PIBF1: variants seen among roughly 807,000 people sequenced by gnomAD.
PIBF1 encodes progesterone-induced-blocking factor 1.
PIBF1 carries 90 observed loss-of-function variants against 112.5 expected under a neutral mutation model. That is an observed-to-expected ratio of 0.80 (90% CI 0.67 to 0.95). The LOEUF is 0.95. PIBF1 is among the 40% of genes least tolerant of loss of function. The probability of loss-of-function intolerance (pLI) is 0.00; values close to 1 mark genes in which losing one functional copy is unlikely to be tolerated. For missense variants in PIBF1, 915 were observed against 852.3 expected, an observed-to-expected ratio of 1.07 and a Z score of -0.92; for synonymous variants, 301 against 288.6, an observed-to-expected ratio of 1.04 and a Z score of -0.44.
intron 9 of PIBF1, chr13:72,836,167 G>A: frequency 2.3e-6 from 1 of 438,484 alleles, no homozygotes; most frequent in South Asian, 1.7e-5. Flanking sequence ...TAAATATTAG[G>A]CTCACCTAGT....
chr13:72,854,650 C>T (rs912741983), intron 10 of PIBF1, among the ~76,000 whole-genome samples: 1 of 152,140 alleles, frequency 6.6e-6, no homozygotes, highest in Non-Finnish European at 1.5e-5. Flanking sequence ...CAGTTTGTTA[C>T]TATCGTGAAT....
Position 72,783,596 on chromosome 13 carries a change from A to T in PIBF1, c.127A>T (p.Lys43Ter). ...DISSSEEREG[K>*]VRITRQLIER... is the part of the protein sequence containing the mutation. The stretch of plus-strand genomic sequence containing the variant: ...TTCCTCATCAGAAGAGCGAGAGGGC[A>T]AAGTCAGAATCACCAGGCAGCTAAT... The change falls in exon 2 of 18, where the codon AAA becomes TAA. Residue 43 changes from lysine to a stop codon, truncating the protein, a stop_gained. Transcript: ENST00000326291. LOFTEE classifies it high-confidence loss of function. 6.2e-7 allele frequency: 1 copy of T among 1,614,174 alleles called. No individual in the cohort carries two copies. Among genetic ancestry groups the T allele is most frequent in the East Asian group, 2.2e-5 (1 of 44,864 alleles).
At chr13:72,946,504 C>A (rs1246015375) in intron 14 of PIBF1, among the ~76,000 whole-genome samples, 1 of 152,162 alleles carries the variant, frequency 6.6e-6, no homozygotes, top group Non-Finnish European at 1.5e-5. Context: ...TCCAACAGTT[C>A]CCCAAAGTCT....
At chr13:72,785,767 CCACT>C (rs893459166) in intron 2 of PIBF1, among the ~76,000 whole-genome samples, 35 of 152,142 alleles carry the variant, frequency 2.3e-4, no homozygotes, top group African/African-American at 8.0e-4. Context: ...ATTAATTCAC[CCACT>C]CAGTCAACAA....
rs145850882 is a variant in PIBF1 at position 72,850,158 on chromosome 13, G to A, written c.1224-3899G>A. Among the ~76,000 whole-genome samples, 145 of 152,316 alleles carry A rather than the reference G, an allele frequency of 9.5e-4. 1 individual carries two copies. Among genetic ancestry groups the A allele is most frequent in the African/African-American group, 2.7e-3 (113 of 41,580 alleles). ...TGGAAGGTGTGGTACTTGATAAGGA[G>A]ATTGGGTTTACACAGAAATGTTACC... On this transcript the variant is annotated intron_variant, in intron 9 of 17. Transcript: ENST00000326291.
intron 16 of PIBF1, among the ~76,000 whole-genome samples, chr13:72,977,027 G>C (rs1045439484): frequency 2.0e-5 from 3 of 151,990 alleles, no homozygotes; most frequent in African/African-American, 4.8e-5. Flanking sequence ...GTCTCACCCT[G>C]GTCAATACCC....
At chr13:72,891,127 A>C (rs189187521) in intron 10 of PIBF1, among the ~76,000 whole-genome samples, 52 of 152,256 alleles carry the variant, frequency 3.4e-4, no homozygotes, top group South Asian at 1.9e-3. Context: ...CAATATAAGG[A>C]AATAATATTA....
intron 17 of PIBF1, among the ~76,000 whole-genome samples, chr13:73,010,338 C>T (rs2044158807): frequency 6.7e-6 from 1 of 149,882 alleles, no homozygotes; most frequent in African/African-American, 2.5e-5. Flanking sequence ...TGCTGTGGCT[C>T]ACACCTGTAA....
At chr13:72,948,562 A>C (rs1170801198) in intron 14 of PIBF1, among the ~76,000 whole-genome samples, 1 of 152,162 alleles carries the variant, frequency 6.6e-6, no homozygotes, top group Non-Finnish European at 1.5e-5. Context: ...TTCCAAAGTC[A>C]CTTACACATT....
At chr13:72,801,543 C>A (rs757582154) in intron 5 of PIBF1, among the ~76,000 whole-genome samples, 1 of 152,040 alleles carries the variant, frequency 6.6e-6, no homozygotes, top group Non-Finnish European at 1.5e-5. Flanking sequence ...TGTAAACAAA[C>A]GTAAAGATGC....
intron 16 of PIBF1, among the ~76,000 whole-genome samples, chr13:72,987,867 T>TATTTA (rs1566522355): frequency 1.9e-5 from 2 of 105,746 alleles, no homozygotes; most frequent in African/African-American, 7.1e-5. Context: ...TATTTTTTTT[T>TATTTA]TTTTTTTTTT....
chr13:72,979,613 G>C (rs923566313), intron 16 of PIBF1, among the ~76,000 whole-genome samples: 1 of 152,064 alleles, frequency 6.6e-6, no homozygotes, highest in South Asian at 2.1e-4. Flanking sequence ...AAAATGGACC[G>C]ATTTGAAAGC....
chr13:72,858,023 TTGTGTGTGTGTG>T lies in PIBF1; in HGVS notation c.1322+3892_1322+3903del, dbSNP rs374331152. 6.5e-4 allele frequency among the ~76,000 whole-genome samples: 92 copies of T among 141,314 alleles called. 2 individuals carry two copies. Among genetic ancestry groups the T allele is most frequent in the African/African-American group, 2.3e-3 (87 of 37,526 alleles). The allele number at this position is 141,314 out of a possible 152,430, so 92.7% of individuals were successfully genotyped here. Reference sequence around the variant, plus strand: ...TACCTATCAGAAGTACAAATGTACATTGTGTGTGTGTGTGTGTGTGTGTGTGTGTGTGTGTAT... The same window carrying T: ...TACCTATCAGAAGTACAAATGTACATTGTGTGTGTGTGTGTGTGTGTGTAT... On this transcript the variant is annotated intron_variant, in intron 10 of 17. Transcript: ENST00000326291.
At chr13:72,945,126 A>G (rs1315588381) in intron 14 of PIBF1, among the ~76,000 whole-genome samples, 2 of 152,144 alleles carry the variant, frequency 1.3e-5, no homozygotes, top group Non-Finnish European at 2.9e-5. Flanking sequence ...GTTCCCACTT[A>G]TAAGTAAAAA....
chr13:72,796,834 T>C (rs2035223275), intron 4 of PIBF1, among the ~76,000 whole-genome samples: 1 of 152,210 alleles, frequency 6.6e-6, no homozygotes, highest in East Asian at 1.9e-4. Flanking sequence ...TTACATCTTT[T>C]GTTTTCACAG....
At chr13:72,904,716 C>T (rs920861914) in intron 11 of PIBF1, among the ~76,000 whole-genome samples, 5 of 151,782 alleles carry the variant, frequency 3.3e-5, no homozygotes, top group African/African-American at 1.2e-4. Flanking sequence ...GCTGGGATTA[C>T]AAGTGTGAGC....
At chr13:72,881,688 C>T (rs1345234155) in intron 10 of PIBF1, among the ~76,000 whole-genome samples, 5 of 147,222 alleles carry the variant, frequency 3.4e-5, no homozygotes, top group South Asian at 2.2e-4. Flanking sequence ...TTCACTCCAG[C>T]GTCAGTGACA....
chr13:72,955,570 C>T (rs2042422915), intron 14 of PIBF1, among the ~76,000 whole-genome samples: 1 of 152,046 alleles, frequency 6.6e-6, no homozygotes, highest in East Asian at 1.9e-4. Context: ...CGTTTCAGAG[C>T]TATTTGAAAA....
intron 16 of PIBF1, among the ~76,000 whole-genome samples, chr13:72,979,930 A>C (rs1276106804): frequency 6.6e-6 from 1 of 152,110 alleles, no homozygotes; most frequent in Non-Finnish European, 1.5e-5. Context: ...GTCTCAAAAA[A>C]AGAAAAAAGA....
Sources: gnomAD v4.1 joint callset for allele counts (sites outside exome capture counted in the v4.1 genomes callset) on GRCh38, gnomAD v4.1.1 for gene constraint, MANE v1.5 for transcripts, NCBI Gene and HGNC (gene_info 2026-07-23, HGNC 2026-07-21) for gene names.